The following SLC16A1 variants were observed in gnomAD, a reference collection of about 807,000 sequenced individuals.
SLC16A1 encodes monocarboxylate transporter 1.
In SLC16A1, 11 loss-of-function variants were observed where a neutral mutation model predicts 32.2. The observed-to-expected ratio is 0.34, with a 90% CI of 0.21 to 0.56. SLC16A1 has a LOEUF of 0.56. SLC16A1 is among the 20% of genes least tolerant of loss of function. SLC16A1 has a pLI of 0.87. For missense variants in SLC16A1, 435 were observed against 615.0 expected, an observed-to-expected ratio of 0.71 and a Z score of 3.10; for synonymous variants, 231 against 226.8, an observed-to-expected ratio of 1.02 and a Z score of -0.17.
In SLC16A1 at chr1:112,916,286, GGTTAGGA is replaced by G. The variant is rs1257146485; in HGVS notation, c.1228+885_1228+891del. On this transcript the variant is annotated intron_variant, in intron 4 of 4. Coordinates refer to ENST00000369626, the MANE Select transcript of SLC16A1 (RefSeq NM_003051.4). ...AGGCCAAGGCGGGTGGACCACCTGA[GGTTAGGA>G]GTTCAAGACGAGCCTGGCCAACATG... is the stretch of plus-strand genomic sequence containing the variant. Among the ~76,000 whole-genome samples, 5 of 151,446 alleles carry G rather than the reference GGTTAGGA, an allele frequency of 3.3e-5. No individual in the cohort carries two copies. In the South Asian group the frequency reaches 1.0e-3, roughly 32 times the overall value.
Position 112,912,300 on chromosome 1 carries a change from A to G in SLC16A1, c.*1591T>C, listed in dbSNP as rs184043512. On this transcript the variant is annotated 3_prime_UTR_variant, in exon 5 of 5. Transcript: ENST00000369626. ...GGCCCAAAATGAAACCTGGTAATGA[A>G]AATGAAGACACAGCAATATTTTCCT... 7.2e-5 allele frequency: 11 copies of G among 152,396 alleles called. No homozygotes were observed. In the East Asian group the frequency reaches 2.1e-3, roughly 29 times the overall value. 9.4% of individuals were successfully genotyped at this position (152,396 alleles called of 1,614,324 possible). A position where few individuals can be genotyped will look rare whatever the true frequency, so the allele number is the denominator to read the frequency against.
chr1:112,914,532 C>T (rs1648435569), intron 4 of SLC16A1, among the ~76,000 whole-genome samples: 2 of 152,194 alleles, frequency 1.3e-5, no homozygotes, highest in South Asian at 4.1e-4. Flanking sequence ...GTCCCATTTA[C>T]CCAGGCCAAT....
At position 112,917,930 on chromosome 1, in the gene SLC16A1, C is replaced by T; in HGVS notation, c.476G>A (p.Cys159Tyr). The T allele has an allele frequency of 6.3e-7, 1 of 1,598,956 alleles. No individual in the cohort carries two copies. The highest frequency in any genetic ancestry group is 2.2e-5 in the East Asian group (1 of 44,822). The change falls in exon 4 of 5, where the codon TGT becomes TAT. Residue 159 changes from cysteine to tyrosine, a missense_variant. Cys to Tyr is a radical substitution (Grantham distance 194). Coordinates refer to ENST00000369626, the MANE Select transcript of SLC16A1 (RefSeq NM_003051.4). This position sits in a 1 kb window ranked among gnomAD's most constrained non-coding sequence, Gnocchi z 4.1. Reference sequence around the variant, plus strand: ...AACCTGATTGAGGGGGGCCAGAGTACAGAGGAACACAGGGCTGCCTGCCAT... The same window carrying T: ...AACCTGATTGAGGGGGGCCAGAGTATAGAGGAACACAGGGCTGCCTGCCAT... ...LAMAGSPVFLCTLAPLNQVFF... is the reference protein window; with the variant it reads ...LAMAGSPVFLYTLAPLNQVFF...
intron 1 of SLC16A1, among the ~76,000 whole-genome samples, chr1:112,952,957 C>T (rs1649949266): frequency 6.6e-6 from 1 of 152,084 alleles, no homozygotes; most frequent in Non-Finnish European, 1.5e-5. Context: ...TCTGACTTTC[C>T]CAGTCTCCCA....
chr1:112,914,163 G>A lies in SLC16A1; in HGVS notation c.1231C>T (p.Arg411Trp), dbSNP rs763641576. 3.7e-6 allele frequency: 6 copies of A among 1,613,998 alleles called. No homozygotes were observed. Among genetic ancestry groups the A allele is most frequent in the South Asian group, 2.2e-5 (2 of 91,056 alleles). ...TAGTCTCCATACATGTCATTGAGCCGACCTAAATATGTAAAACAACACAAA... is the reference window on the plus strand; with the variant it reads ...TAGTCTCCATACATGTCATTGAGCCAACCTAAATATGTAAAACAACACAAA... ...PVLLGPPLLG[R>W]LNDMYGDYKY... Residue 411 changes from arginine to tryptophan, a missense_variant and splice_region_variant, in exon 5 of 5, where the codon CGG becomes TGG. Arg to Trp is a moderately radical substitution (Grantham distance 101). Around this residue, in one of 2 missense-constraint regions of SLC16A1, gnomAD observed 111 missense variants for 114.7 expected, o/e 0.97. Coordinates refer to ENST00000369626, the MANE Select transcript of SLC16A1 (RefSeq NM_003051.4).
chr1:112,917,348 T>C lies in SLC16A1; in HGVS notation c.1058A>G (p.Tyr353Cys), dbSNP rs767557808. 3.1e-6 allele frequency: 5 copies of C among 1,614,020 alleles called. No homozygotes were observed. The highest frequency in any genetic ancestry group is 1.3e-5 in the African/African-American group (1 of 74,978). Residue 353 changes from tyrosine to cysteine, a missense_variant, in exon 4 of 5, where the codon TAT becomes TGT. Transcript: ENST00000369626. The surrounding 1 kb of genome is among the most constrained non-coding windows in gnomAD (Gnocchi z 4.1). The part of the protein sequence containing the change: ...CHMLAPLSTT[Y>C]VGFCVYAGFF... ...TCCCGCATAGACACAGAATCCAACA[T>C]AGGTAGTGGATAAAGGTGCTAGCAT...
chr1:112,929,489 G>A, intron 1 of SLC16A1, 137 bp from the exon 2 acceptor site: 1 of 640,492 alleles, frequency 1.6e-6, no homozygotes, highest in Non-Finnish European at 2.8e-6. Flanking sequence ...TGAGGCAGGA[G>A]GATCATTTGA....
chr1:112,935,371 T>A (rs1388552132), intron 1 of SLC16A1, among the ~76,000 whole-genome samples: 2 of 152,142 alleles, frequency 1.3e-5, no homozygotes, highest in East Asian at 3.9e-4. Context: ...ATTGCACTAC[T>A]GTACTACAGC....
At chr1:112,933,660 C>T (rs1456753002) in intron 1 of SLC16A1, among the ~76,000 whole-genome samples, 2 of 152,008 alleles carry the variant, frequency 1.3e-5, no homozygotes, top group Non-Finnish European at 2.9e-5. Context: ...TGTAAAGATG[C>T]TGAATGTCGT....
At chr1:112,940,296 G>A (rs1375847425) in intron 1 of SLC16A1, among the ~76,000 whole-genome samples, 1 of 152,044 alleles carries the variant, frequency 6.6e-6, no homozygotes, top group African/African-American at 2.4e-5. Flanking sequence ...GCCGGCCTCC[G>A]CCTCCCAAAG....
In SLC16A1 at chr1:112,944,818, G is replaced by A. The variant is rs150585728; in HGVS notation, c.-45+11217C>T. Among the ~76,000 whole-genome samples the A allele has an allele frequency of 5.5e-3, 839 of 151,996 alleles. 23 individuals are homozygous for A. The highest frequency in any genetic ancestry group is 0.048 in the Admixed American group (728 of 15,256). On this transcript the variant is annotated intron_variant, in intron 1 of 4. Coordinates refer to ENST00000369626, the MANE Select transcript of SLC16A1 (RefSeq NM_003051.4). ...AGCCATTCTCATACCTAAGCCCCAC[G>A]AGTAGCTGGGATTACAGGTGGGCGC...
rs1382772863 is a variant in SLC16A1 at position 112,940,490 on chromosome 1, T to C, written c.-44-11138A>G. 9.2e-5 allele frequency among the ~76,000 whole-genome samples: 14 copies of C among 152,328 alleles called. No individual in the cohort carries two copies. In the East Asian group the frequency reaches 2.7e-3, roughly 29 times the overall value. ...CAATTTGATCACAAACGTGACTAAA[T>C]TGATACCTAATGGTTTATTCAGACT... On this transcript the variant is annotated intron_variant, in intron 1 of 4. Transcript: ENST00000369626.
intron 1 of SLC16A1, among the ~76,000 whole-genome samples, chr1:112,943,787 C>CAAAA (rs60946516): frequency 1.2e-4 from 6 of 49,478 alleles, no homozygotes; most frequent in East Asian, 7.4e-4. Context: ...GACTCCATCT[C>CAAAA]AAAAAAAAAA....
At chr1:112,916,950 A>G (rs1648533254) in intron 4 of SLC16A1, among the ~76,000 whole-genome samples, 1 of 152,114 alleles carries the variant, frequency 6.6e-6, no homozygotes, top group Non-Finnish European at 1.5e-5. Context: ...AAAAACACTG[A>G]CATTTGTAAC....
chr1:112,946,352 C>T (rs1446178819), intron 1 of SLC16A1, among the ~76,000 whole-genome samples: 1 of 151,830 alleles, frequency 6.6e-6, no homozygotes, highest in Non-Finnish European at 1.5e-5. Flanking sequence ...CAGGCGGATC[C>T]ACTTGAGTTA....
chr1:112,944,190 C>T (rs1649608658), intron 1 of SLC16A1, among the ~76,000 whole-genome samples: 1 of 152,152 alleles, frequency 6.6e-6, no homozygotes, highest in African/African-American at 2.4e-5. Context: ...GTGGCTCACA[C>T]CTGTAATCCC....
At chr1:112,950,131 G>C (rs972294257) in intron 1 of SLC16A1, among the ~76,000 whole-genome samples, 2 of 151,352 alleles carry the variant, frequency 1.3e-5, no homozygotes, top group African/African-American at 4.8e-5. Context: ...TTTAGTTATA[G>C]GTTAATGAAA....
chr1:112,922,220 T>C, intron 2 of SLC16A1, 87 bp from the exon 3 acceptor site: 1 of 1,288,628 alleles, frequency 7.8e-7, no homozygotes, highest in Middle Eastern at 1.9e-4. Flanking sequence ...TGACAAATCC[T>C]CCAAAATAAA....
At chr1:112,949,341 GC>G (rs541195644) in intron 1 of SLC16A1, among the ~76,000 whole-genome samples, 148 of 151,990 alleles carry the variant, frequency 9.7e-4, no homozygotes, top group African/African-American at 3.4e-3. Context: ...GAGCCACTGT[GC>G]CCGGCCTCAA....
Sources: allele counts gnomAD v4.1 joint callset (sites outside exome capture counted in the v4.1 genomes callset), GRCh38; gene constraint gnomAD v4.1.1; regional missense constraint gnomAD v4.1.1; non-coding constraint Gnocchi (gnomAD v3.1); transcripts MANE v1.5; gene names NCBI Gene and HGNC (gene_info 2026-07-23, HGNC 2026-07-21).